Variants in TMCO4 observed in about 807,000 individuals in gnomAD.
TMCO4 encodes the protein transmembrane and coiled-coil domain-containing protein 4.
In TMCO4, 58 loss-of-function variants were observed where a neutral mutation model predicts 64.7. That is an observed-to-expected ratio of 0.90 (90% CI 0.73 to 1.12). TMCO4 has a LOEUF of 1.12. Among genes scored for constraint, TMCO4 ranks in the 50% most tolerant of loss-of-function variants. The pLI, the probability that TMCO4 is intolerant of heterozygous loss-of-function variation, is 0.00. For synonymous variants in TMCO4, 325 were observed against 346.1 expected (o/e 0.94, Z 0.68); for missense variants, 780 against 825.9 (o/e 0.94, Z 0.68).
intron 6 of TMCO4, among the ~76,000 whole-genome samples, chr1:19,768,043 G>C (rs2042815147): frequency 6.8e-6 from 1 of 146,482 alleles, no homozygotes; most frequent in South Asian, 2.1e-4. Flanking sequence ...AGTGAGCTAA[G>C]ATCATGCCAC....
chr1:19,723,357 C>T (rs1186863930), intron 13 of TMCO4, among the ~76,000 whole-genome samples: 1 of 152,154 alleles, frequency 6.6e-6, no homozygotes, highest in Non-Finnish European at 1.5e-5. Flanking sequence ...CTTCCTGCCT[C>T]CTTTCTCCTT....
chr1:19,712,539 G>C (rs575182441), intron 13 of TMCO4, among the ~76,000 whole-genome samples: 1 of 150,940 alleles, frequency 6.6e-6, no homozygotes, highest in Admixed American at 6.7e-5. Flanking sequence ...AGAATCGCTT[G>C]AACCTGAGAT....
Position 19,682,854 on chromosome 1 carries a change from T to C in TMCO4, c.*186A>G, listed in dbSNP as rs2095112829. On this transcript the variant is annotated 3_prime_UTR_variant, in exon 16 of 16. Coordinates refer to ENST00000294543, the MANE Select transcript of TMCO4 (RefSeq NM_181719.7). ...CTGGGGACAGGCAGCTTCCCAAGGG[T>C]GGGCGTGTTCTCTCCTCCAAATTCC... The C allele has an allele frequency of 3.5e-6, 3 of 865,084 alleles. No homozygotes were observed. Among genetic ancestry groups the C allele is most frequent in the East Asian group, 5.2e-5 (2 of 38,172 alleles). 53.6% of individuals were successfully genotyped at this position (865,084 alleles called of 1,614,324 possible).
chr1:19,755,873 A>C, intron 6 of TMCO4, 107 bp from the exon 7 acceptor site: 1 of 1,303,018 alleles, frequency 7.7e-7, no homozygotes, highest in Non-Finnish European at 1.1e-6. Flanking sequence ...CTAAATGTAC[A>C]ACCCCATGGG....
intron 2 of TMCO4, 130 bp downstream of exon 2, chr1:19,797,993 GAAAAGAAAAGAAAA>G (rs1372063860): frequency 5.6e-6 from 1 of 179,324 alleles, no homozygotes; most frequent in African/African-American, 2.6e-5. Context: ...GAAAAGAAAA[GAAAAGAAAAGAAAA>G]GAAAAGAAAA....
intron 13 of TMCO4, among the ~76,000 whole-genome samples, chr1:19,713,098 T>C (rs1488922185): frequency 2.0e-5 from 3 of 152,164 alleles, no homozygotes; most frequent in Non-Finnish European, 2.9e-5. Flanking sequence ...GAAAATGGCA[T>C]GATGCGATTT....
intron 14 of TMCO4, among the ~76,000 whole-genome samples, chr1:19,697,148 T>C (rs1379495500): frequency 6.6e-6 from 1 of 152,222 alleles, no homozygotes; most frequent in Admixed American, 6.5e-5. Context: ...GCCGCCTCTC[T>C]CTGGTTCAGT....
At chr1:19,754,738 T>C (rs1198078497) in intron 7 of TMCO4, among the ~76,000 whole-genome samples, 1 of 152,198 alleles carries the variant, frequency 6.6e-6, no homozygotes, top group East Asian at 1.9e-4. Context: ...CTACACATTC[T>C]TGACCATATA....
At chr1:19,790,856 C>T (rs547628290) in intron 2 of TMCO4, among the ~76,000 whole-genome samples, 2 of 152,184 alleles carry the variant, frequency 1.3e-5, no homozygotes, top group East Asian at 1.9e-4. Flanking sequence ...GATACCTGCA[C>T]GTGTATGTTC....
In TMCO4 at chr1:19,683,279, G is replaced by A. The variant is rs1020320581; in HGVS notation, c.1666C>T (p.Pro556Ser). Residue 556 changes from proline to serine, a missense_variant, in exon 16 of 16, where the codon CCC becomes TCC. By Grantham distance (74) the Pro-to-Ser change is moderately conservative (BLOSUM62 -1). Coordinates refer to ENST00000294543, the MANE Select transcript of TMCO4 (RefSeq NM_181719.7). ...AAAAASSGET[P>S]HQVGQTQGPI... ...CCCTGGGTTTGCCCAACCTGGTGGGGGGTCTCGCCTGATGAGGCGGCAGCT... is the reference window on the plus strand; with the variant it reads ...CCCTGGGTTTGCCCAACCTGGTGGGAGGTCTCGCCTGATGAGGCGGCAGCT... 3 of 1,614,020 alleles carry A rather than the reference G, an allele frequency of 1.9e-6. No individual in the cohort carries two copies. The highest frequency in any genetic ancestry group is 2.2e-5 in the South Asian group (2 of 91,086).
intron 15 of TMCO4, among the ~76,000 whole-genome samples, chr1:19,688,642 G>A (rs557363458): frequency 1.0e-3 from 152 of 152,302 alleles, no homozygotes; most frequent in Non-Finnish European, 1.8e-3. Flanking sequence ...CAGTACTGAA[G>A]CAGTGGTTAA....
chr1:19,700,327 C>T (rs945446536), intron 14 of TMCO4, among the ~76,000 whole-genome samples: 14 of 152,140 alleles, frequency 9.2e-5, no homozygotes, highest in African/African-American at 3.4e-4. Context: ...AGGCAGCACT[C>T]AGAAAGCTCA....
chr1:19,755,093 C>G (rs1457301640), intron 7 of TMCO4, among the ~76,000 whole-genome samples: 1 of 152,112 alleles, frequency 6.6e-6, no homozygotes, highest in Non-Finnish European at 1.5e-5. Context: ...GTCACAGATT[C>G]AAGGCCCTTA....
rs985260578 is a variant in TMCO4 at position 19,732,242 on chromosome 1, G to A, written c.1264+5130C>T. 6.6e-6 allele frequency among the ~76,000 whole-genome samples: 1 copy of A among 152,196 alleles called. No homozygotes were observed. The highest frequency in any genetic ancestry group is 2.4e-5 in the African/African-American group (1 of 41,442). On this transcript the variant is annotated intron_variant, in intron 13 of 15. Coordinates refer to ENST00000294543, the MANE Select transcript of TMCO4 (RefSeq NM_181719.7). The surrounding 1 kb of genome is among the most constrained non-coding windows in gnomAD (Gnocchi z 4.8). ...GCTGGAGTGCAGTGGCACGATCATG[G>A]CTCACTGCATCTTCAACCTCCTGGG... is the stretch of plus-strand genomic sequence containing the variant.
chr1:19,788,332 C>T (rs1005969344), intron 2 of TMCO4, among the ~76,000 whole-genome samples: 14 of 152,032 alleles, frequency 9.2e-5, no homozygotes, highest in Non-Finnish European at 1.9e-4. Flanking sequence ...TTCTGTATTT[C>T]CCCCAAATTT....
At chr1:19,757,595 C>T (rs774104067) in intron 6 of TMCO4, among the ~76,000 whole-genome samples, 4 of 152,120 alleles carry the variant, frequency 2.6e-5, no homozygotes, top group Non-Finnish European at 4.4e-5. Flanking sequence ...CATCACTTAA[C>T]CCTTGACCTG....
chr1:19,737,739 C>T (rs1038026759), intron 12 of TMCO4, among the ~76,000 whole-genome samples: 2 of 152,270 alleles, frequency 1.3e-5, no homozygotes, highest in Non-Finnish European at 2.9e-5. Context: ...TATCCAGCCA[C>T]CGTCTCATCT....
Position 19,687,774 on chromosome 1 carries a change from G to A in TMCO4, c.1501-4330C>T, listed in dbSNP as rs190379814. Among the ~76,000 whole-genome samples the A allele has an allele frequency of 2.0e-5, 3 of 152,332 alleles. No homozygotes were observed. The East Asian group carries it at 5.8e-4, about 29-fold the overall frequency. ...AAACAGGCCAGGAAGGAAGGGAGGT[G>A]TTGGTACCCACTGGCTGCAGCTGAT... On this transcript the variant is annotated intron_variant, in intron 15 of 15. Transcript: ENST00000294543.
intron 13 of TMCO4, among the ~76,000 whole-genome samples, chr1:19,731,884 T>C (rs767096517): frequency 6.6e-6 from 1 of 152,214 alleles, no homozygotes; most frequent in Non-Finnish European, 1.5e-5. Context: ...GGTGATCTTT[T>C]GTTTCCAACT....
Sources: gnomAD v4.1 joint callset for allele counts (sites outside exome capture counted in the v4.1 genomes callset) on GRCh38, gnomAD v4.1.1 for gene constraint, Gnocchi (gnomAD v3.1) non-coding constraint, MANE v1.5 for transcripts, NCBI Gene and HGNC (gene_info 2026-07-23, HGNC 2026-07-21) for gene names.